SFI1: variants seen among roughly 807,000 people sequenced by gnomAD.
SFI1 encodes the protein SFI1 centrin binding protein.
In SFI1, 195 loss-of-function variants were observed where a neutral mutation model predicts 207.5. That is an observed-to-expected ratio of 0.94 (90% CI 0.84 to 1.06). SFI1 has a LOEUF of 1.06. Ranked by LOEUF, SFI1 falls within the 50% of genes least tolerant of loss-of-function variation. The pLI is 0.00. For synonymous variants in SFI1, 630 were observed against 598.9 expected, an observed-to-expected ratio of 1.05 and a Z score of -0.76; for missense variants, 1,634 against 1,588.0, an observed-to-expected ratio of 1.03 and a Z score of -0.49.
At chr22:31,588,093 T>A (rs5749308) in intron 14 of SFI1, among the ~76,000 whole-genome samples, 150,664 of 152,344 alleles carry the variant, frequency 0.99, 74,525 homozygotes, top group Middle Eastern at 1. Context: ...GAGACAGGAC[T>A]TAATGGGAAT....
At chr22:31,602,534 T>C (rs758126298) in intron 16 of SFI1, 73 bp from the exon 17 acceptor site, 2 of 1,544,882 alleles carry the variant, frequency 1.3e-6, no homozygotes, top group Non-Finnish European at 8.9e-7. Flanking sequence ...TTGTGGCCTG[T>C]AAATTCTTTC....
intron 15 of SFI1, among the ~76,000 whole-genome samples, chr22:31,601,023 T>C (rs1405838728): frequency 6.6e-6 from 1 of 152,186 alleles, no homozygotes; most frequent in Non-Finnish European, 1.5e-5. Flanking sequence ...TGTTGGTCAA[T>C]TGTCCCAGCA....
At chr22:31,610,664 G>A (rs1477836821) in intron 22 of SFI1, among the ~76,000 whole-genome samples, 4 of 152,232 alleles carry the variant, frequency 2.6e-5, no homozygotes, top group Admixed American at 1.3e-4. Context: ...GGCGACCAGC[G>A]CTGTCCTCCC....
chr22:31,575,118 G>A (rs1266164748), intron 9 of SFI1, 113 bp from the exon 10 acceptor site: 4 of 642,956 alleles, frequency 6.2e-6, no homozygotes, highest in East Asian at 3.2e-5. Context: ...GTGTGTGTGT[G>A]TGTGGCCTTG....
chr22:31,552,581 G>A (rs1283665322), intron 6 of SFI1, among the ~76,000 whole-genome samples: 1 of 152,130 alleles, frequency 6.6e-6, no homozygotes, highest in Non-Finnish European at 1.5e-5. Context: ...TCTGTTGATG[G>A]ATGCTGAGGT....
At chr22:31,585,041 C>A in intron 13 of SFI1, 27 bp from the exon 14 acceptor site, 1 of 1,607,278 alleles carries the variant, frequency 6.2e-7, no homozygotes, top group South Asian at 1.1e-5. Context: ...AACTTGAAAC[C>A]TGAAGGTGTT....
At chr22:31,542,093 C>T (rs1162260496) in intron 4 of SFI1, among the ~76,000 whole-genome samples, 3 of 126,762 alleles carry the variant, frequency 2.4e-5, no homozygotes, top group East Asian at 2.5e-4. Flanking sequence ...AGAGTGAGAC[C>T]CCGTCTTTAA....
At chr22:31,582,753 T>C (rs1247167568) in intron 12 of SFI1, among the ~76,000 whole-genome samples, 1 of 152,168 alleles carries the variant, frequency 6.6e-6, no homozygotes, top group Non-Finnish European at 1.5e-5. Context: ...ACCATTCTAC[T>C]TTCTGTCTCT....
intron 4 of SFI1, among the ~76,000 whole-genome samples, chr22:31,536,067 C>T (rs541523896): frequency 1.3e-5 from 2 of 152,162 alleles, no homozygotes; most frequent in African/African-American, 4.8e-5. Flanking sequence ...TTTTCTTTTT[C>T]CTTGTCTCTT....
At position 31,618,245 on chromosome 22, in the gene SFI1, C is replaced by T. The variant is rs775947416; in HGVS notation, c.3624+19C>T. The T allele has an allele frequency of 1.3e-6, 2 of 1,596,504 alleles. No individual in the cohort carries two copies. The highest frequency in any genetic ancestry group is 2.3e-5 in the East Asian group (1 of 44,130). On this transcript the variant is annotated intron_variant, in intron 32 of 32. Transcript: ENST00000400288. ...GGAACAGGTGAGGCCCCAGGCCATC[C>T]CCAGGTGTCCCTGGGGACGCCCCGG...
intron 5 of SFI1, among the ~76,000 whole-genome samples, chr22:31,547,949 T>C (rs538519668): frequency 6.8e-6 from 1 of 146,362 alleles, no homozygotes; most frequent in South Asian, 2.4e-4. Flanking sequence ...GCATGGTGGC[T>C]CATGCCTGTA....
At chr22:31,561,497 G>A (rs745598759) in intron 8 of SFI1, 105 bp downstream of exon 8, 28 of 945,782 alleles carry the variant, frequency 3.0e-5, no homozygotes, top group Admixed American at 1.2e-4. Flanking sequence ...GGCCTGAGAG[G>A]GGGTGGGGAC....
chr22:31,539,646 C>T (rs2059299041), intron 4 of SFI1, among the ~76,000 whole-genome samples: 1 of 151,922 alleles, frequency 6.6e-6, no homozygotes, highest in Non-Finnish European at 1.5e-5. Context: ...CATGTTGGAG[C>T]CTTTCCTCAA....
At chr22:31,530,889 GC>G (rs1389233035) in intron 3 of SFI1, 168 bp from the exon 4 acceptor site, 1 of 592,340 alleles carries the variant, frequency 1.7e-6, no homozygotes, top group Non-Finnish European at 3.0e-6. Flanking sequence ...TTATAAATCT[GC>G]CCCATCCTAT....
chr22:31,559,394 C>T, intron 7 of SFI1: 1 of 314,962 alleles, frequency 3.2e-6, no homozygotes, highest in South Asian at 2.9e-5. Flanking sequence ...CTCCACTGCA[C>T]CCTGGGCAAC....
chr22:31,575,392 T>C lies in SFI1; in HGVS notation c.1084T>C (p.Tyr362His). Residue 362 changes from tyrosine (Y) to histidine (H), a missense_variant and splice_region_variant, in exon 10 of 33, where the codon TAC becomes CAC. Tyr to His is a moderately conservative substitution (Grantham distance 83, BLOSUM62 2). Coordinates refer to ENST00000400288, the MANE Select transcript of SFI1 (RefSeq NM_001007467.3). ...LRRAFTHWKH[Y>H]MLLCAEEAAQ... ...GCGCGCCTTTACTCACTGGAAACAC[T>C]GTATCCTTTCAGATACTCAGGCTGT... 1.9e-6 allele frequency: 3 copies of C among 1,599,770 alleles called. No homozygotes were observed. Among genetic ancestry groups the C allele is most frequent in the South Asian group, 1.1e-5 (1 of 88,450 alleles).
chr22:31,565,785 G>GT (rs1433648289), intron 8 of SFI1, among the ~76,000 whole-genome samples: 1 of 152,038 alleles, frequency 6.6e-6, no homozygotes, highest in Non-Finnish European at 1.5e-5. Context: ...TTTGCAACTT[G>GT]TTTTTTTAGT....
rs574444932 is a variant in SFI1, at chr22:31,520,085, A to G, written c.93-8605A>G. 1.2e-4 allele frequency among the ~76,000 whole-genome samples: 18 copies of G among 152,090 alleles called. No individual in the cohort carries two copies. The East Asian group carries it at 3.5e-3, about 29-fold the overall frequency. ...CTGGCCAAAAATTATTTACTGATAA[A>G]TATAACACAAATACAGAAAACGGCA... On this transcript the variant is annotated intron_variant, in intron 2 of 32. Transcript: ENST00000400288.
At chr22:31,614,437 TCCC>T in intron 27 of SFI1, 9 of 439,998 alleles carry the variant, frequency 2.0e-5, no homozygotes, top group Admixed American at 2.9e-5. Context: ...GGGGCCTGGG[TCCC>T]GGTCCCTGCT....
Sources: allele counts gnomAD v4.1 joint callset (sites outside exome capture counted in the v4.1 genomes callset), GRCh38; gene constraint gnomAD v4.1.1; transcripts MANE v1.5; gene names NCBI Gene and HGNC (gene_info 2026-07-23, HGNC 2026-07-21).